Variants in C12orf42 observed in about 807,000 individuals in gnomAD.
C12orf42 encodes uncharacterized protein C12orf42.
In C12orf42, 25 loss-of-function variants were observed where a neutral mutation model predicts 21.6. The ratio of observed to expected loss-of-function variants is 1.16; its 90% CI spans 0.84 to 1.62. The LOEUF is 1.62. Among genes scored for constraint, C12orf42 ranks in the 40% most tolerant of loss-of-function variants. C12orf42 has a pLI of 0.00. For missense variants in C12orf42, 483 were observed against 459.3 expected, an observed-to-expected ratio of 1.05 and a Z score of -0.47; for synonymous variants, 174 against 175.0, an observed-to-expected ratio of 0.99 and a Z score of 0.05.
intron 4 of C12orf42, among the ~76,000 whole-genome samples, chr12:103,329,372 T>A (rs1459874256): frequency 6.6e-6 from 1 of 151,944 alleles, no homozygotes; most frequent in Non-Finnish European, 1.5e-5. Flanking sequence ...ACACACAAGG[T>A]CCTGTCGGTG....
At chr12:103,149,123 G>A in the C12orf42 span, among the ~76,000 whole-genome samples, 3 of 152,164 alleles carry the variant, frequency 2.0e-5, no homozygotes, top group South Asian at 6.2e-4. Flanking sequence ...GGGGTCCAAT[G>A]GAAGCAAAAC....
chr12:103,358,353 G>T (rs2043771764), intron 4 of C12orf42, among the ~76,000 whole-genome samples: 1 of 151,996 alleles, frequency 6.6e-6, no homozygotes, highest in Non-Finnish European at 1.5e-5. Context: ...AAGAAGAATA[G>T]AGAGATCCCA....
chr12:103,118,772 TAAAAAAAAAAAAAAAAAAAA>T, the C12orf42 span, among the ~76,000 whole-genome samples: 21 of 41,660 alleles, frequency 5.0e-4, 1 homozygote, highest in African/African-American at 1.8e-3. Context: ...CACTCCAGCC[TAAAAAAAAAAAAAAAAAAAA>T]AAAAAAAAAA....
chr12:103,174,303 A>G, the C12orf42 span, among the ~76,000 whole-genome samples: 5 of 152,208 alleles, frequency 3.3e-5, no homozygotes, highest in Non-Finnish European at 7.4e-5. Flanking sequence ...TGTATATCAG[A>G]AGTAGTGATT....
the C12orf42 span, among the ~76,000 whole-genome samples, chr12:103,085,958 G>A: frequency 0.011 from 1,620 of 152,236 alleles, 12 homozygotes; most frequent in South Asian, 0.019. Context: ...ATACAGAATG[G>A]TCTCCAAACC....
chr12:103,076,868 G>T, the C12orf42 span, among the ~76,000 whole-genome samples: 2 of 152,022 alleles, frequency 1.3e-5, no homozygotes, highest in South Asian at 4.2e-4. Flanking sequence ...ATACAAAAAG[G>T]TTAATTAAAT....
At chr12:103,178,607 G>C in the C12orf42 span, 1 of 152,200 alleles carries the variant, frequency 6.6e-6, no homozygotes, top group Admixed American at 6.5e-5. Context: ...CATTCAGCCA[G>C]AGAGGCCACG....
intron 4 of C12orf42, among the ~76,000 whole-genome samples, chr12:103,337,124 T>C (rs2137155376): frequency 6.6e-6 from 1 of 152,296 alleles, no homozygotes; most frequent in African/African-American, 2.4e-5. Flanking sequence ...TTCTGAGTGG[T>C]CTATGATCAA....
At chr12:103,219,412 G>C in the C12orf42 span, among the ~76,000 whole-genome samples, 4 of 152,270 alleles carry the variant, frequency 2.6e-5, no homozygotes, top group East Asian at 7.7e-4. Context: ...TGACAAATGG[G>C]ATCTAATTAA....
At chr12:103,428,303 C>T (rs1008480528) in intron 2 of C12orf42, among the ~76,000 whole-genome samples, 3 of 151,996 alleles carry the variant, frequency 2.0e-5, no homozygotes, top group African/African-American at 7.2e-5. Flanking sequence ...ACTGATTCCA[C>T]AGAAATACAA....
At chr12:103,401,516 C>T in intron 3 of C12orf42, 91 bp downstream of exon 3, 2 of 1,076,130 alleles carry the variant, frequency 1.9e-6, no homozygotes, top group South Asian at 2.9e-5. Context: ...GTCAAAAATA[C>T]AAAGAAACAA....
the C12orf42 span, among the ~76,000 whole-genome samples, chr12:103,539,603 G>T: frequency 3.3e-5 from 5 of 149,698 alleles, no homozygotes; most frequent in Non-Finnish European, 7.4e-5. Context: ...CTTTTGAGAT[G>T]GAGTCTCACT....
At chr12:103,073,087 C>T in the C12orf42 span, among the ~76,000 whole-genome samples, 3 of 152,096 alleles carry the variant, frequency 2.0e-5, no homozygotes, top group Non-Finnish European at 4.4e-5. Flanking sequence ...AACAGAAAAC[C>T]AAACACTGTA....
the C12orf42 span, among the ~76,000 whole-genome samples, chr12:103,163,620 G>A: frequency 6.6e-6 from 1 of 152,054 alleles, no homozygotes; most frequent in Non-Finnish European, 1.5e-5. Context: ...AAAGCAGAGA[G>A]GACCTTCTAT....
chr12:103,524,693 C>T, the C12orf42 span, among the ~76,000 whole-genome samples: 57 of 152,294 alleles, frequency 3.7e-4, no homozygotes, highest in Non-Finnish European at 7.4e-4. Context: ...GGCAAGGTAG[C>T]CCATGATGAA....
At chr12:103,316,044 G>GTA (rs147210932) in intron 4 of C12orf42, among the ~76,000 whole-genome samples, 30 of 147,902 alleles carry the variant, frequency 2.0e-4, no homozygotes, top group African/African-American at 6.0e-4. Context: ...CACTGATGCA[G>GTA]TATATATATA....
chr12:103,329,816 T>C (rs530711425), intron 4 of C12orf42, among the ~76,000 whole-genome samples: 1 of 152,086 alleles, frequency 6.6e-6, no homozygotes, highest in East Asian at 1.9e-4. Context: ...CTTTCCCCCT[T>C]TCTATTGCTA....
the C12orf42 span, among the ~76,000 whole-genome samples, chr12:103,555,930 G>A: frequency 1.3e-5 from 2 of 151,970 alleles, no homozygotes; most frequent in Admixed American, 1.3e-4. Context: ...CAGGACAGCA[G>A]CTCCTATCAG....
At chr12:103,463,542 C>T (rs1304948886) in intron 2 of C12orf42, among the ~76,000 whole-genome samples, 1 of 152,112 alleles carries the variant, frequency 6.6e-6, no homozygotes, top group Non-Finnish European at 1.5e-5. Context: ...AGCCACAGCC[C>T]TAAAACTTTC....
Sources: gnomAD v4.1 joint callset for allele counts (sites outside exome capture counted in the v4.1 genomes callset) on GRCh38, gnomAD v4.1.1 for gene constraint, MANE v1.5 for transcripts, NCBI Gene and HGNC (gene_info 2026-07-23, HGNC 2026-07-21) for gene names.